Variants in SGCD observed in about 807,000 individuals in gnomAD.
The protein encoded by SGCD is delta-sarcoglycan.
SGCD carries 18 observed loss-of-function variants against 36.6 expected under a neutral mutation model. The observed-to-expected ratio is 0.49, with a 90% CI of 0.34 to 0.73. The LOEUF is 0.73. Ranked by LOEUF, SGCD falls within the 30% of genes least tolerant of loss-of-function variation. The pLI is 0.01. For synonymous variants in SGCD, 133 were observed against 130.6 expected, an observed-to-expected ratio of 1.02 and a Z score of -0.12; for missense variants, 387 against 346.7, an observed-to-expected ratio of 1.12 and a Z score of -0.92.
intron 3 of SGCD, among the ~76,000 whole-genome samples, chr5:156,423,324 ATT>A (rs1231846172): frequency 3.0e-5 from 2 of 67,078 alleles, no homozygotes; most frequent in Non-Finnish European, 4.8e-5. Flanking sequence ...AATATAATAT[ATT>A]TTATTATAAT....
In SGCD at chr5:156,588,988, T is replaced by TTGTGTGTGTGTGTGTG. The variant is rs113243314; in HGVS notation, c.295-222_295-207dup. Among the ~76,000 whole-genome samples the TTGTGTGTGTGTGTGTG allele has an allele frequency of 4.8e-3, 680 of 143,134 alleles. 7 individuals are homozygous for TTGTGTGTGTGTGTGTG. The highest frequency in any genetic ancestry group is 0.015 in the African/African-American group (592 of 38,504). 93.9% of individuals were successfully genotyped at this position (143,134 alleles called of 152,430 possible). A position where few individuals can be genotyped will look rare whatever the true frequency, so the allele number is the denominator to read the frequency against. On this transcript the variant is annotated intron_variant, in intron 4 of 8. Transcript: ENST00000337851. The stretch of plus-strand genomic sequence containing the variant: ...TGTGTGTGTTCTGGGGGAATCTATA[T>TTGTGTGTGTGTGTGTG]TGTGTGTGTGTGTGTGTGTGTGTGT...
intron 1 of SGCD, among the ~76,000 whole-genome samples, chr5:156,056,952 G>A (rs10053255): frequency 0.02 from 2,968 of 146,254 alleles, 270 homozygotes; most frequent in African/African-American, 0.068. Flanking sequence ...TATCAAGACA[G>A]GGTGGAAACT....
intron 1 of SGCD, among the ~76,000 whole-genome samples, chr5:155,997,038 T>C (rs1205199079): frequency 6.6e-6 from 1 of 152,222 alleles, no homozygotes; most frequent in Non-Finnish European, 1.5e-5. Context: ...GCCATGACTT[T>C]GGAAGGACTT....
In SGCD at chr5:156,666,996, G is replaced by A. The variant is rs997950206; in HGVS notation, c.575+19460G>A. 3.6e-4 allele frequency among the ~76,000 whole-genome samples: 54 copies of A among 152,094 alleles called. 1 individual carries two copies. The highest frequency in any genetic ancestry group is 2.9e-5 in the Non-Finnish European group (2 of 68,012). On this transcript the variant is annotated intron_variant, in intron 7 of 8. Transcript: ENST00000337851. ...AATTAAAAAACCATGCAGGTTGGGT[G>A]TCCCAAATCCAAAAATCCAAAATCC...
chr5:155,858,715 TGGA>T, the SGCD span, among the ~76,000 whole-genome samples: 2 of 152,168 alleles, frequency 1.3e-5, no homozygotes, highest in Non-Finnish European at 2.9e-5. Flanking sequence ...AGCTTCTCAT[TGGA>T]GGAGAAGTTC....
At chr5:156,085,647 A>C (rs1761073933) in intron 1 of SGCD, among the ~76,000 whole-genome samples, 2 of 152,204 alleles carry the variant, frequency 1.3e-5, no homozygotes, top group African/African-American at 4.8e-5. Context: ...TCATAAGATA[A>C]GTTGAAAAGT....
At chr5:155,942,295 C>T (rs370525514) in intron 1 of SGCD, among the ~76,000 whole-genome samples, 3 of 147,066 alleles carry the variant, frequency 2.0e-5, no homozygotes, top group East Asian at 2.0e-4. Flanking sequence ...TGTATGTACG[C>T]ATGTATGTAT....
chr5:156,069,106 G>T (rs1206565192), intron 1 of SGCD, among the ~76,000 whole-genome samples: 1 of 152,064 alleles, frequency 6.6e-6, no homozygotes, highest in Non-Finnish European at 1.5e-5. Context: ...TTCTTTTGCT[G>T]TGCAGAAGCT....
the SGCD span, among the ~76,000 whole-genome samples, chr5:155,813,496 A>G: frequency 6.6e-6 from 1 of 152,210 alleles, no homozygotes. Flanking sequence ...ACACCCTGTG[A>G]GCAGATTTTA....
intron 3 of SGCD, among the ~76,000 whole-genome samples, chr5:156,227,627 C>T (rs1230594422): frequency 1.3e-5 from 2 of 151,658 alleles, no homozygotes; most frequent in Admixed American, 6.6e-5. Flanking sequence ...ATTGTTTTTT[C>T]GAATTCTGTG....
chr5:156,219,457 A>G (rs965848061), intron 3 of SGCD, among the ~76,000 whole-genome samples: 5 of 152,178 alleles, frequency 3.3e-5, no homozygotes, highest in African/African-American at 1.2e-4. Context: ...AGTATAACTT[A>G]TATCGACAAG....
the SGCD span, among the ~76,000 whole-genome samples, chr5:155,843,440 G>C: frequency 6.6e-6 from 1 of 152,102 alleles, no homozygotes; most frequent in Admixed American, 6.6e-5. Context: ...TCACGCTGAG[G>C]TAAAGGGAGG....
intron 3 of SGCD, among the ~76,000 whole-genome samples, chr5:156,146,911 A>G (rs576554939): frequency 1.2e-4 from 19 of 152,336 alleles, no homozygotes; most frequent in South Asian, 6.2e-4. Flanking sequence ...AAGAAGGAAT[A>G]TATGACTTCT....
intron 7 of SGCD, among the ~76,000 whole-genome samples, chr5:156,657,729 C>T (rs1028334885): frequency 6.6e-6 from 1 of 151,886 alleles, no homozygotes; most frequent in Non-Finnish European, 1.5e-5. Context: ...TGCCCCTACA[C>T]ACCTGTGGGT....
chr5:156,533,413 G>A (rs1448181245), intron 4 of SGCD, among the ~76,000 whole-genome samples: 1 of 152,136 alleles, frequency 6.6e-6, no homozygotes, highest in Non-Finnish European at 1.5e-5. Flanking sequence ...AAAATGCCAT[G>A]ATATTCTAAG....
rs1772051743 is a variant in SGCD, at chr5:156,399,870, T to A, written c.192+55193T>A. ...CTGGGGCCTGGAACATAGCAGAATA[T>A]AAGAAATATTTGTTCCTGTCACTAT... is the stretch of plus-strand genomic sequence containing the variant. On this transcript the variant is annotated intron_variant, in intron 3 of 8. Transcript: ENST00000337851. 2.6e-5 allele frequency among the ~76,000 whole-genome samples: 4 copies of A among 152,190 alleles called. No homozygotes were observed. The South Asian group carries it at 8.3e-4, about 32-fold the overall frequency.
chr5:156,443,893 C>T (rs1309374424), intron 3 of SGCD, among the ~76,000 whole-genome samples: 2 of 152,052 alleles, frequency 1.3e-5, no homozygotes, highest in Non-Finnish European at 2.9e-5. Flanking sequence ...CATTTGCTAA[C>T]CCCAAATTAG....
intron 3 of SGCD, among the ~76,000 whole-genome samples, chr5:156,185,323 T>TC (rs1384853684): frequency 4.7e-5 from 7 of 150,092 alleles, no homozygotes; most frequent in Admixed American, 4.0e-4. Context: ...CACACCATTC[T>TC]CCTGTCTCAG....
chr5:156,480,906 A>T (rs749315044), intron 3 of SGCD, among the ~76,000 whole-genome samples: 8 of 152,332 alleles, frequency 5.3e-5, no homozygotes, highest in Non-Finnish European at 1.0e-4. Context: ...ACTATGTAAA[A>T]GGTCACAATA....
Sources: allele counts gnomAD v4.1 joint callset (sites outside exome capture counted in the v4.1 genomes callset), GRCh38; gene constraint gnomAD v4.1.1; transcripts MANE v1.5; gene names NCBI Gene and HGNC (gene_info 2026-07-23, HGNC 2026-07-21).